RALGAPA2: variants seen among roughly 807,000 people sequenced by gnomAD.
RALGAPA2 encodes the protein ral GTPase-activating protein subunit alpha-2.
RALGAPA2 carries 139 observed loss-of-function variants against 230.4 expected under a neutral mutation model. That is an observed-to-expected ratio of 0.60 (90% CI 0.53 to 0.69). The LOEUF is 0.69. RALGAPA2 is among the 30% of genes least tolerant of loss of function. The pLI, the probability that RALGAPA2 is intolerant of heterozygous loss-of-function variation, is 0.00. For synonymous variants in RALGAPA2, 847 were observed against 837.8 expected (o/e 1.01, Z -0.19); for missense variants, 2,163 against 2,276.0 (o/e 0.95, Z 1.01).
At chr20:20,461,726 T>C (rs1391845479) in intron 37 of RALGAPA2, among the ~76,000 whole-genome samples, 3 of 152,254 alleles carry the variant, frequency 2.0e-5, no homozygotes, top group Non-Finnish European at 4.4e-5. Flanking sequence ...GGGGGAATTC[T>C]GGAACTCTGC....
intron 23 of RALGAPA2, among the ~76,000 whole-genome samples, chr20:20,557,454 T>G (rs1266038691): frequency 6.6e-6 from 1 of 152,216 alleles, no homozygotes; most frequent in Non-Finnish European, 1.5e-5. Context: ...CCAGGTTTAT[T>G]ATTCACACTG....
intron 36 of RALGAPA2, among the ~76,000 whole-genome samples, chr20:20,481,829 A>G (rs2061782323): frequency 1.3e-5 from 2 of 152,306 alleles, no homozygotes; most frequent in East Asian, 1.9e-4. Flanking sequence ...AACTACATAC[A>G]TATTTGGAGC....
intron 4 of RALGAPA2, among the ~76,000 whole-genome samples, chr20:20,649,202 G>A (rs2067314734): frequency 6.6e-6 from 1 of 152,192 alleles, no homozygotes; most frequent in African/African-American, 2.4e-5. Flanking sequence ...ACTTCTGAGG[G>A]AGTCCTGTGT....
chr20:20,516,524 C>T lies in RALGAPA2; in HGVS notation c.4085-3240G>A, dbSNP rs185106912. ...ACCACTGCCTATAATACTCTAGCCA[C>T]CAGAGGTCCTGAGCCTGTCGAAGTT... On this transcript the variant is annotated intron_variant, in intron 31 of 39. Coordinates refer to ENST00000202677, the MANE Select transcript of RALGAPA2 (RefSeq NM_020343.4). Among the ~76,000 whole-genome samples the T allele has an allele frequency of 1.1e-3, 160 of 152,312 alleles. 1 individual carries two copies. The highest frequency in any genetic ancestry group is 3.7e-3 in the African/African-American group (153 of 41,574).
At chr20:20,431,836 G>C (rs2060508308) in intron 37 of RALGAPA2, among the ~76,000 whole-genome samples, 1 of 152,084 alleles carries the variant, frequency 6.6e-6, no homozygotes, top group South Asian at 2.1e-4. Flanking sequence ...GGTTCCAAAT[G>C]TCACTTCTAT....
At chr20:20,557,929 T>C (rs570184471) in intron 23 of RALGAPA2, among the ~76,000 whole-genome samples, 1 of 152,276 alleles carries the variant, frequency 6.6e-6, no homozygotes, top group African/African-American at 2.4e-5. Flanking sequence ...AAAATGTTAA[T>C]TCAGGGTCAA....
intron 16 of RALGAPA2, 91 bp from the exon 17 acceptor site, chr20:20,591,405 T>C: frequency 7.3e-7 from 1 of 1,370,124 alleles, no homozygotes; most frequent in Non-Finnish European, 9.9e-7. Flanking sequence ...AAAATAAAGT[T>C]TCAAATGCTT....
chr20:20,566,130 C>G (rs537079060), intron 23 of RALGAPA2, among the ~76,000 whole-genome samples: 3 of 152,292 alleles, frequency 2.0e-5, no homozygotes, highest in East Asian at 3.9e-4. Context: ...CCCAGATCCC[C>G]CTGTGCTGCT....
intron 1 of RALGAPA2, among the ~76,000 whole-genome samples, chr20:20,688,549 A>G (rs181072982): frequency 6.6e-6 from 1 of 152,266 alleles, no homozygotes; most frequent in Admixed American, 6.5e-5. Flanking sequence ...TAGTCCCCTT[A>G]GCTAAGCCCT....
chr20:20,411,703 C>T (rs528862694), intron 38 of RALGAPA2, among the ~76,000 whole-genome samples: 4 of 152,260 alleles, frequency 2.6e-5, no homozygotes, highest in East Asian at 3.9e-4. Flanking sequence ...AGCACTGATT[C>T]GGGCATCGCT....
At position 20,680,731 on chromosome 20, in the gene RALGAPA2, A is replaced by G. The variant is rs1344907058; in HGVS notation, c.177T>C (p.Tyr59=). ...TNYSQIYFIF[Y]ENFIALENSL... ...TATTTTCCAGTGCTATAAAATTTTC[A>G]TAGAAGATGAAATATATCTGAGAAT... Residue 59 remains tyrosine, a synonymous_variant, in exon 2 of 40, where the codon TAT becomes TAC. Coordinates refer to ENST00000202677, the MANE Select transcript of RALGAPA2 (RefSeq NM_020343.4). 6.3e-7 allele frequency: 1 copy of G among 1,583,760 alleles called. No individual in the cohort carries two copies. Among genetic ancestry groups the G allele is most frequent in the Non-Finnish European group, 8.6e-7 (1 of 1,169,224 alleles).
intron 37 of RALGAPA2, 47 bp from the exon 38 acceptor site, chr20:20,412,195 C>T (rs755509238): frequency 8.7e-6 from 14 of 1,605,688 alleles, no homozygotes; most frequent in Non-Finnish European, 1.0e-5. Context: ...AAGTGGCATG[C>T]AGAGCAGTGA....
intron 37 of RALGAPA2, among the ~76,000 whole-genome samples, chr20:20,447,976 T>C (rs757755512): frequency 6.6e-6 from 1 of 152,234 alleles, no homozygotes; most frequent in Admixed American, 6.5e-5. Flanking sequence ...TTCCAACTCT[T>C]AATCCCTTTT....
intron 3 of RALGAPA2, among the ~76,000 whole-genome samples, chr20:20,673,586 A>C (rs1019712909): frequency 2.5e-4 from 38 of 152,150 alleles, no homozygotes; most frequent in African/African-American, 7.2e-4. Flanking sequence ...AGAAAAAAAA[A>C]CCAGAAAATA....
chr20:20,590,856 C>T (rs1351371236), intron 17 of RALGAPA2, among the ~76,000 whole-genome samples: 1 of 152,084 alleles, frequency 6.6e-6, no homozygotes, highest in South Asian at 2.1e-4. Context: ...TAACTTGATG[C>T]CCTACTTGAC....
intron 22 of RALGAPA2, 41 bp from the exon 23 acceptor site, chr20:20,571,654 G>A: frequency 6.3e-7 from 1 of 1,583,676 alleles, no homozygotes; most frequent in Non-Finnish European, 8.6e-7. Flanking sequence ...TCAAGCCCAG[G>A]TGCAGAGTAT....
intron 1 of RALGAPA2, among the ~76,000 whole-genome samples, chr20:20,687,648 G>A (rs1159667583): frequency 1.3e-5 from 2 of 152,174 alleles, no homozygotes; most frequent in Non-Finnish European, 2.9e-5. Flanking sequence ...ACACAGTGAG[G>A]GAGAAAAATG....
At position 20,601,758 on chromosome 20, in the gene RALGAPA2, C is replaced by T; in HGVS notation, c.2127G>A (p.Met709Ile). The change falls in exon 16 of 40, where the codon ATG becomes ATA. Residue 709 changes from methionine to isoleucine, a missense_variant. Physicochemically the swap from Met to Ile is conservative, Grantham distance 10. Transcript: ENST00000202677. ...WRSHPDVTEP[M>I]RFRSATTSGA... ...CAGACGTGGTGGCACTCCTAAATCG[C>T]ATCGGTTCGGTCACATCTGGGTGGC... The T allele has an allele frequency of 6.2e-7, 1 of 1,613,900 alleles. No individual in the cohort carries two copies. Among genetic ancestry groups the T allele is most frequent in the Non-Finnish European group, 8.5e-7 (1 of 1,179,828 alleles).
intron 36 of RALGAPA2, among the ~76,000 whole-genome samples, chr20:20,475,826 C>T (rs1303728493): frequency 1.3e-5 from 2 of 152,008 alleles, no homozygotes; most frequent in African/African-American, 4.8e-5. Flanking sequence ...TGTTTTTATT[C>T]ACAGATATCA....
Sources: allele counts gnomAD v4.1 joint callset (sites outside exome capture counted in the v4.1 genomes callset), GRCh38; gene constraint gnomAD v4.1.1; transcripts MANE v1.5; gene names NCBI Gene and HGNC (gene_info 2026-07-23, HGNC 2026-07-21).